Variants in SNX29 observed in about 807,000 individuals in gnomAD.
The protein encoded by SNX29 is sorting nexin-29.
A neutral mutation model predicts 102.1 loss-of-function variants in SNX29; 78 were observed. The observed-to-expected ratio is 0.76, with a 90% CI of 0.64 to 0.92. The LOEUF is 0.92. Ranked by LOEUF, SNX29 falls within the 40% of genes least tolerant of loss-of-function variation. The pLI is 0.00. For synonymous variants in SNX29, 580 were observed against 414.5 expected (o/e 1.40, Z -4.85); for missense variants, 1,280 against 1,061.7 (o/e 1.21, Z -2.86).
intron 8 of SNX29, among the ~76,000 whole-genome samples, chr16:12,053,641 T>A (rs2050398104): frequency 6.6e-6 from 1 of 151,768 alleles, no homozygotes; most frequent in African/African-American, 2.4e-5. Context: ...AGATTTTTGT[T>A]TTCATGTTGT....
chr16:12,445,829 C>G (rs1188142450), intron 18 of SNX29, among the ~76,000 whole-genome samples: 4 of 152,078 alleles, frequency 2.6e-5, no homozygotes, highest in Non-Finnish European at 4.4e-5. Flanking sequence ...CGGGACAACG[C>G]TAGGAAGAAA....
chr16:12,154,051 C>A lies in SNX29; in HGVS notation c.1595+24293C>A, dbSNP rs533322108. On this transcript the variant is annotated intron_variant, in intron 13 of 20. Coordinates refer to ENST00000566228, the MANE Select transcript of SNX29 (RefSeq NM_032167.5). ...ATTAAGAACAATTAGATGTAAAGTC[C>A]TCTTTTATTTTTATGGAGTTTGACA... 1.5e-4 allele frequency among the ~76,000 whole-genome samples: 23 copies of A among 152,236 alleles called. No individual in the cohort carries two copies. The South Asian group carries it at 1.7e-3, about 11-fold the overall frequency.
chr16:12,289,959 C>T (rs73506152), intron 15 of SNX29, among the ~76,000 whole-genome samples: 4,554 of 152,166 alleles, frequency 0.03, 219 homozygotes, highest in African/African-American at 0.11. Flanking sequence ...CTGCAGGCAA[C>T]ATAAAGGGCT....
intron 20 of SNX29, among the ~76,000 whole-genome samples, chr16:12,542,607 C>T (rs1287214437): frequency 6.6e-6 from 1 of 152,242 alleles, no homozygotes; most frequent in East Asian, 1.9e-4. Flanking sequence ...GCTGGGATTA[C>T]AGGCGTGAGC....
At chr16:12,067,000 TAA>T (rs1331929237) in intron 9 of SNX29, among the ~76,000 whole-genome samples, 1 of 145,988 alleles carries the variant, frequency 6.8e-6, no homozygotes, top group Non-Finnish European at 1.5e-5. Flanking sequence ...AATAAATAAA[TAA>T]ATAAATAAAT....
intron 18 of SNX29, among the ~76,000 whole-genome samples, chr16:12,477,426 C>A (rs562259179): frequency 6.6e-6 from 1 of 152,236 alleles, no homozygotes; most frequent in Non-Finnish European, 1.5e-5. Flanking sequence ...ATGACAGCAA[C>A]ATGAAACATG....
At chr16:12,161,910 C>G (rs947238625) in intron 13 of SNX29, among the ~76,000 whole-genome samples, 4 of 152,212 alleles carry the variant, frequency 2.6e-5, no homozygotes, top group African/African-American at 9.6e-5. Context: ...ATAGACCTCC[C>G]TTCCATATAA....
chr16:12,537,696 C>A (rs530605695), intron 20 of SNX29, among the ~76,000 whole-genome samples: 1 of 152,154 alleles, frequency 6.6e-6, no homozygotes, highest in Non-Finnish European at 1.5e-5. Context: ...GCATCTGAAA[C>A]TTCACTTTGG....
Position 12,006,516 on chromosome 16 carries a change from G to GA in SNX29, c.122+3491dup, listed in dbSNP as rs758929005. Among the ~76,000 whole-genome samples the GA allele has an allele frequency of 6.7e-3, 366 of 54,280 alleles. 1 individual carries two copies. The highest frequency in any genetic ancestry group is 0.057 in the East Asian group (109 of 1,908). The allele number at this position is 54,280 out of a possible 152,430, so 35.6% of individuals were successfully genotyped here. On this transcript the variant is annotated intron_variant, in intron 3 of 20. Coordinates refer to ENST00000566228, the MANE Select transcript of SNX29 (RefSeq NM_032167.5). ...GGGCAACAAGAGCGATACTGTCTCA[G>GA]AAAAAAAAAAAAAAAAAAGCAATAA...
chr16:12,389,141 G>A (rs1006457712), intron 16 of SNX29, among the ~76,000 whole-genome samples: 1 of 152,174 alleles, frequency 6.6e-6, no homozygotes, highest in Non-Finnish European at 1.5e-5. Context: ...ACTAGCGCGA[G>A]CCAGTTCAGA....
At chr16:12,128,234 AG>A (rs1389798345) in intron 12 of SNX29, among the ~76,000 whole-genome samples, 1 of 152,238 alleles carries the variant, frequency 6.6e-6, no homozygotes, top group Non-Finnish European at 1.5e-5. Flanking sequence ...TTATCTTGGA[AG>A]AAGCCATAGA....
intron 11 of SNX29, chr16:12,087,461 G>A (rs1172300310): frequency 4.9e-6 from 1 of 205,972 alleles, no homozygotes; most frequent in African/African-American, 2.3e-5. Flanking sequence ...GCTGGTCATG[G>A]TGGCACATGT....
chr16:11,982,350 A>G lies in SNX29; in HGVS notation c.7+5537A>G, dbSNP rs548375672. ...CTGGGAAAGTAGAACTCGTAGAGCC[A>G]GAAAGTCATTATACTCAAGTTTTGT... On this transcript the variant is annotated intron_variant, in intron 1 of 20. Coordinates refer to ENST00000566228, the MANE Select transcript of SNX29 (RefSeq NM_032167.5). 1.4e-4 allele frequency among the ~76,000 whole-genome samples: 21 copies of G among 152,128 alleles called. No individual in the cohort carries two copies. The South Asian group carries it at 2.9e-3, about 21-fold the overall frequency.
chr16:12,220,132 C>T (rs545613239), intron 14 of SNX29, among the ~76,000 whole-genome samples: 30 of 152,186 alleles, frequency 2.0e-4, no homozygotes, highest in Non-Finnish European at 2.8e-4. Flanking sequence ...TTCGCCACCG[C>T]GCTGTGAGTT....
At chr16:12,458,166 A>G (rs1473842402) in intron 18 of SNX29, among the ~76,000 whole-genome samples, 1 of 152,354 alleles carries the variant, frequency 6.6e-6, no homozygotes, top group Non-Finnish European at 1.5e-5. Flanking sequence ...CTGCACGTGG[A>G]GAAACCTCAG....
chr16:12,282,397 G>T (rs1036968409), intron 15 of SNX29, among the ~76,000 whole-genome samples: 2 of 152,192 alleles, frequency 1.3e-5, no homozygotes, highest in Non-Finnish European at 2.9e-5. Flanking sequence ...TCTGTGCCAA[G>T]GATTACCTGC....
chr16:12,172,355 A>G (rs1021830600), intron 13 of SNX29, among the ~76,000 whole-genome samples: 1 of 152,104 alleles, frequency 6.6e-6, no homozygotes, highest in Non-Finnish European at 1.5e-5. Context: ...CAGGGCTGAG[A>G]TCTGTCATTT....
rs111474722 is a variant in SNX29 at position 12,129,648 on chromosome 16, C to G, written c.1485C>G (p.Leu495=). 5.6e-6 allele frequency: 9 copies of G among 1,610,754 alleles called. No homozygotes were observed. Among genetic ancestry groups the G allele is most frequent in the South Asian group, 4.4e-5 (4 of 90,608 alleles). The change falls in exon 13 of 21, where the codon CTC becomes CTG. Residue 495 remains leucine (L), a synonymous_variant. Transcript: ENST00000566228. ...EEENRSLRNL[L]DGEMEHSAAL... ...TTCCCAGATCACTGCGAAACCTGCTCGACGGTGAGATGGAGCACTCAGCCG... is the reference window on the plus strand; with the variant it reads ...TTCCCAGATCACTGCGAAACCTGCTGGACGGTGAGATGGAGCACTCAGCCG...
chr16:12,158,433 C>T (rs199896590), intron 13 of SNX29, among the ~76,000 whole-genome samples: 1 of 152,164 alleles, frequency 6.6e-6, no homozygotes, highest in East Asian at 1.9e-4. Context: ...CTCCTGACCT[C>T]AAGTGATCCA....
Sources: gnomAD v4.1 joint callset for allele counts (sites outside exome capture counted in the v4.1 genomes callset) on GRCh38, gnomAD v4.1.1 for gene constraint, MANE v1.5 for transcripts, NCBI Gene and HGNC (gene_info 2026-07-23, HGNC 2026-07-21) for gene names.